The following POTEC variants were observed in gnomAD, a reference collection of about 807,000 sequenced individuals.
POTEC encodes POTE ankyrin domain family member C.
In POTEC, 35 loss-of-function variants were observed where a neutral mutation model predicts 62.0. The ratio of observed to expected loss-of-function variants is 0.56; its 90% CI spans 0.43 to 0.75. The LOEUF (loss-of-function observed/expected upper bound fraction) is 0.75, where lower values mean the gene tolerates loss of function less well. Ranked by LOEUF, POTEC falls within the 30% of genes least tolerant of loss-of-function variation. The pLI, the probability that POTEC is intolerant of heterozygous loss-of-function variation, is 0.00. For missense variants in POTEC, 472 were observed against 655.9 expected (o/e 0.72, Z 3.06); for synonymous variants, 156 against 221.5 (o/e 0.70, Z 2.62).
At position 14,511,604 on chromosome 18, in the gene POTEC, CT is replaced by C. The variant is rs1251182663; in HGVS notation, c.*293del. 7.9e-6 allele frequency: 4 copies of C among 504,942 alleles called. No homozygotes were observed. Among genetic ancestry groups the C allele is most frequent in the Non-Finnish European group, 1.4e-5 (4 of 285,278 alleles). The allele number at this position is 504,942 out of a possible 1,614,324, so 31.3% of individuals were successfully genotyped here. On this transcript the variant is annotated 3_prime_UTR_variant, in exon 11 of 11. Transcript: ENST00000358970. ...ATGTTTGTTCTCTGGAAAGAAGTCCCTTTCAGCTATCTGACTTTGATCACAA... is the reference window on the plus strand; with the variant it reads ...ATGTTTGTTCTCTGGAAAGAAGTCCCTTCAGCTATCTGACTTTGATCACAA...
intron 9 of POTEC, among the ~76,000 whole-genome samples, chr18:14,516,196 A>T (rs1331328220): frequency 2.7e-5 from 4 of 148,334 alleles, no homozygotes; most frequent in Non-Finnish European, 3.0e-5. Context: ...CATACTCTCA[A>T]AAAGACACCT....
At chr18:14,537,202 CACACACACAAA>C (rs1313541675) in intron 3 of POTEC, among the ~76,000 whole-genome samples, 1,144 of 82,532 alleles carry the variant, frequency 0.014, 40 homozygotes, top group African/African-American at 0.074. Flanking sequence ...CACACACACA[CACACACACAAA>C]AAAAAAAAAA....
At chr18:14,522,466 T>C (rs1242223424) in intron 8 of POTEC, 46 bp from the exon 9 acceptor site, 3 of 1,450,496 alleles carry the variant, frequency 2.1e-6, no homozygotes, top group Admixed American at 2.6e-5. Context: ...CTTTATTGAA[T>C]AAAAATAACC....
chr18:14,529,254 G>C (rs1905421058), intron 6 of POTEC, among the ~76,000 whole-genome samples: 2 of 151,964 alleles, frequency 1.3e-5, no homozygotes, highest in South Asian at 4.1e-4. Context: ...GCTCCTGTCT[G>C]TATTTTTAAT....
chr18:14,525,057 A>G, intron 6 of POTEC, 74 bp from the exon 7 acceptor site: 1 of 1,562,444 alleles, frequency 6.4e-7, no homozygotes, highest in Non-Finnish European at 8.7e-7. Flanking sequence ...TTATAAAAAC[A>G]GATTGAAGAC....
intron 6 of POTEC, 118 bp downstream of exon 6, chr18:14,530,365 T>G: frequency 6.8e-7 from 1 of 1,475,844 alleles, no homozygotes; most frequent in South Asian, 1.2e-5. Flanking sequence ...TGAATAATCC[T>G]GAAACCATCC....
intron 9 of POTEC, among the ~76,000 whole-genome samples, chr18:14,520,887 A>G (rs1285663901): frequency 6.6e-6 from 1 of 152,122 alleles, no homozygotes; most frequent in Non-Finnish European, 1.5e-5. Flanking sequence ...AGGTGGCAGG[A>G]TTACTAGAGC....
chr18:14,517,107 G>T (rs1386294482), intron 9 of POTEC, among the ~76,000 whole-genome samples: 6 of 149,228 alleles, frequency 4.0e-5, no homozygotes, highest in Non-Finnish European at 8.9e-5. Context: ...AAAGAAAACA[G>T]ATATTCCTGA....
intron 3 of POTEC, among the ~76,000 whole-genome samples, chr18:14,536,107 A>G (rs1335861134): frequency 6.8e-6 from 1 of 147,080 alleles, no homozygotes; most frequent in Non-Finnish European, 1.5e-5. Context: ...CATCTCTACT[A>G]AAAAAAAAAT....
intron 6 of POTEC, among the ~76,000 whole-genome samples, chr18:14,529,874 A>C (rs1598480137): frequency 1.3e-5 from 2 of 152,076 alleles, no homozygotes; most frequent in Admixed American, 1.3e-4. Context: ...TTCTTTTGTG[A>C]TCAAAAATTC....
In POTEC at chr18:14,511,374, C is replaced by T. The variant is rs1381318175; in HGVS notation, c.*524G>A. 4 of 299,370 alleles carry T rather than the reference C, an allele frequency of 1.3e-5. No homozygotes were observed. Among genetic ancestry groups the T allele is most frequent in the African/African-American group, 6.7e-5 (3 of 44,512 alleles). The allele number at this position is 299,370 out of a possible 1,614,324, so 18.5% of individuals were successfully genotyped here. A position where few individuals can be genotyped will look rare whatever the true frequency, so the allele number is the denominator to read the frequency against. On this transcript the variant is annotated 3_prime_UTR_variant, in exon 11 of 11. Coordinates refer to ENST00000358970, the MANE Select transcript of POTEC (RefSeq NM_001137671.2). ...TGGTGGGTTTGTACTCTCCAAAGCC[C>T]GCACGCTGGAATCGCTAAGTTGCCC... is the stretch of plus-strand genomic sequence containing the variant.
At chr18:14,527,919 C>G (rs892967989) in intron 6 of POTEC, 1 of 152,224 alleles carries the variant, frequency 6.6e-6, no homozygotes, top group African/African-American at 2.4e-5. Context: ...CTGACTACTG[C>G]AAAAGCTTCC....
At chr18:14,521,895 C>G (rs1213578563) in intron 9 of POTEC, among the ~76,000 whole-genome samples, 1 of 152,102 alleles carries the variant, frequency 6.6e-6, no homozygotes, top group African/African-American at 2.4e-5. Flanking sequence ...AAAAAACTAC[C>G]TCTCGAGTAT....
At chr18:14,521,423 T>C (rs1193795936) in intron 9 of POTEC, among the ~76,000 whole-genome samples, 1 of 152,230 alleles carries the variant, frequency 6.6e-6, no homozygotes, top group African/African-American at 2.4e-5. Flanking sequence ...CATTATTTTC[T>C]GGGTATGAAA....
chr18:14,539,368 A>T (rs1353363933), intron 1 of POTEC, among the ~76,000 whole-genome samples: 1 of 151,062 alleles, frequency 6.6e-6, no homozygotes, highest in Non-Finnish European at 1.5e-5. Flanking sequence ...AGATTATTTC[A>T]TTACCCAGGT....
At chr18:14,526,957 A>G (rs1473667475) in intron 6 of POTEC, among the ~76,000 whole-genome samples, 47 of 152,272 alleles carry the variant, frequency 3.1e-4, no homozygotes, top group Non-Finnish European at 5.9e-5. Context: ...CAAATTCTTA[A>G]TAATTCTCAT....
chr18:14,542,660 C>G lies in POTEC; in HGVS notation c.487G>C (p.Asp163His). ...TTGTCCCTCTTGTTCATGTCCGTGTCCCTGAGCATGACGATGAGATCCTTT... is the reference window on the plus strand; with the variant it reads ...TTGTCCCTCTTGTTCATGTCCGTGTGCCTGAGCATGACGATGAGATCCTTT... Reference protein sequence around the residue: ...PRKDLIVMLRDTDMNKRDKQK... With the variant: ...PRKDLIVMLRHTDMNKRDKQK... Residue 163 changes from aspartate (D) to histidine (H), a missense_variant, in exon 1 of 11, where the codon GAC becomes CAC. This residue lies in a region of POTEC where 257 missense variants were observed against 250.7 expected (regional missense o/e 1.03). Transcript: ENST00000358970. 1 of 1,612,832 alleles carries G rather than the reference C, an allele frequency of 6.2e-7. No homozygotes were observed. Among genetic ancestry groups the G allele is most frequent in the African/African-American group, 1.3e-5 (1 of 74,948 alleles).
chr18:14,528,047 A>G lies in POTEC; in HGVS notation c.1126+2436T>C, dbSNP rs373930493. 2.3e-4 allele frequency: 35 copies of G among 152,310 alleles called. No homozygotes were observed. In the East Asian group the frequency reaches 6.2e-3, roughly 27 times the overall value. The allele number at this position is 152,310 out of a possible 1,614,324, so 9.4% of individuals were successfully genotyped here. ...AATAAAGTTTTATAGGAGCTCAGTCATGCCTGTTTGCTTACATATAATCAT... is the reference window on the plus strand; with the variant it reads ...AATAAAGTTTTATAGGAGCTCAGTCGTGCCTGTTTGCTTACATATAATCAT... On this transcript the variant is annotated intron_variant, in intron 6 of 10. Coordinates refer to ENST00000358970, the MANE Select transcript of POTEC (RefSeq NM_001137671.2).
intron 1 of POTEC, among the ~76,000 whole-genome samples, chr18:14,540,801 G>A (rs1251933235): frequency 2.0e-5 from 3 of 152,172 alleles, no homozygotes; most frequent in African/African-American, 7.2e-5. Context: ...TAAACTTTCA[G>A]CAAGTAATAT....
Sources: allele counts gnomAD v4.1 joint callset (sites outside exome capture counted in the v4.1 genomes callset), GRCh38; gene constraint gnomAD v4.1.1; regional missense constraint gnomAD v4.1.1; transcripts MANE v1.5; gene names NCBI Gene and HGNC (gene_info 2026-07-23, HGNC 2026-07-21).